The following ST3GAL2 variants were observed in gnomAD, a reference collection of about 807,000 sequenced individuals.
The protein encoded by ST3GAL2 is ST3 beta-galactoside alpha-2,3-sialyltransferase 2.
A neutral mutation model predicts 37.5 loss-of-function variants in ST3GAL2; 16 were observed. That is an observed-to-expected ratio of 0.43 (90% CI 0.29 to 0.65). ST3GAL2 has a LOEUF of 0.65. Ranked by LOEUF, ST3GAL2 falls within the 30% of genes least tolerant of loss-of-function variation. ST3GAL2 has a pLI of 0.17. For synonymous variants in ST3GAL2, 238 were observed against 202.9 expected, an observed-to-expected ratio of 1.17 and a Z score of -1.47; for missense variants, 383 against 487.8, an observed-to-expected ratio of 0.79 and a Z score of 2.02.
Position 70,381,701 on chromosome 16 carries a change from G to C in ST3GAL2, c.1041C>G (p.Tyr347Ter). The C allele has an allele frequency of 6.2e-7, 1 of 1,613,712 alleles. No individual in the cohort carries two copies. Among genetic ancestry groups the C allele is most frequent in the Non-Finnish European group, 8.5e-7 (1 of 1,179,846 alleles). ...GGCGAGGCCCGGCTCAGTTGCCCCGGTAGACTTCGATCTTGCTGGCCTTGG... is the reference window on the plus strand; with the variant it reads ...GGCGAGGCCCGGCTCAGTTGCCCCGCTAGACTTCGATCTTGCTGGCCTTGG... ...MLAKASKIEV[Y>*]RGN is the part of the protein sequence containing the mutation. The change falls in exon 7 of 7, where the codon TAC becomes TAG. Residue 347 changes from tyrosine to a stop codon, truncating the protein, a stop_gained. Transcript: ENST00000342907. LOFTEE classifies it high-confidence loss of function.
intron 1 of ST3GAL2, among the ~76,000 whole-genome samples, chr16:70,434,140 CAA>C (rs1397093442): frequency 6.6e-6 from 1 of 152,132 alleles, no homozygotes. Context: ...GTTCTCAGCT[CAA>C]AAAGACTCAG....
chr16:70,381,637 C>T lies in ST3GAL2; in HGVS notation c.*52G>A. 23 of 1,590,514 alleles carry T rather than the reference C, an allele frequency of 1.4e-5. No homozygotes were observed. The highest frequency in any genetic ancestry group is 2.2e-5 in the East Asian group (1 of 44,462). ...GGGTTGCTGGTCCTGGGTCCCGGGC[C>T]GGAGCCCCGGTGCCCGATAGATGGG... On this transcript the variant is annotated 3_prime_UTR_variant, in exon 7 of 7. Transcript: ENST00000342907.
chr16:70,382,820 C>T lies in ST3GAL2; in HGVS notation c.864G>A (p.Leu288=). Reference sequence around the variant, plus strand: ...GCCTACCCACCTCATCACACACATGCAGGGCAAAGAAAAGCACCAGCATCC... The same window carrying T: ...GCCTACCCACCTCATCACACACATGTAGGGCAAAGAAAAGCACCAGCATCC... The part of the protein sequence containing the change: ...STGMLVLFFA[L]HVCDEVNVYG... Residue 288 remains leucine, a synonymous_variant, in exon 6 of 7, where the codon CTG becomes CTA. Transcript: ENST00000342907. 3 of 1,614,086 alleles carry T rather than the reference C, an allele frequency of 1.9e-6. No individual in the cohort carries two copies. The highest frequency in any genetic ancestry group is 2.7e-5 in the African/African-American group (2 of 75,050).
intron 2 of ST3GAL2, among the ~76,000 whole-genome samples, chr16:70,395,881 G>A (rs897682732): frequency 6.6e-6 from 1 of 152,188 alleles, no homozygotes; most frequent in African/African-American, 2.4e-5. Context: ...GCTGCCACGT[G>A]GGATCATGAG....
intron 1 of ST3GAL2, among the ~76,000 whole-genome samples, chr16:70,425,259 CA>C (rs2047741958): frequency 6.6e-6 from 1 of 152,116 alleles, no homozygotes; most frequent in South Asian, 2.1e-4. Flanking sequence ...GTCAGGAGTT[CA>C]AGATCAGCCT....
At chr16:70,398,079 G>T in intron 2 of ST3GAL2, 113 bp downstream of exon 2, 1 of 1,081,668 alleles carries the variant, frequency 9.2e-7, no homozygotes, top group Non-Finnish European at 1.3e-6. Context: ...CCTATAAATG[G>T]CTTGGTCAAA....
intron 1 of ST3GAL2, among the ~76,000 whole-genome samples, chr16:70,417,596 T>C (rs1161965949): frequency 6.6e-6 from 1 of 152,182 alleles, no homozygotes; most frequent in Non-Finnish European, 1.5e-5. Flanking sequence ...GATTCTAGAA[T>C]ACAAAGCTAT....
chr16:70,426,197 T>G (rs554628626), intron 1 of ST3GAL2, among the ~76,000 whole-genome samples: 1 of 140,164 alleles, frequency 7.1e-6, no homozygotes, highest in South Asian at 2.4e-4. Flanking sequence ...TTTTTTTTTT[T>G]TTTTTTTTGT....
At chr16:70,423,162 T>C (rs2047727092) in intron 1 of ST3GAL2, 1 of 152,158 alleles carries the variant, frequency 6.6e-6, no homozygotes, top group African/African-American at 2.4e-5. Context: ...ACACCAGCTA[T>C]CACACAGATC....
chr16:70,409,805 ATTTTTTT>A (rs980660367), intron 1 of ST3GAL2, among the ~76,000 whole-genome samples: 39 of 129,054 alleles, frequency 3.0e-4, no homozygotes, highest in Middle Eastern at 4.0e-3. Context: ...ACCTGGCTAA[ATTTTTTT>A]TTTTTTTTTT....
chr16:70,406,609 C>A (rs554641454), intron 1 of ST3GAL2, among the ~76,000 whole-genome samples: 34 of 151,968 alleles, frequency 2.2e-4, no homozygotes, highest in Non-Finnish European at 4.3e-4. Flanking sequence ...TGGCAAAACC[C>A]CATCTCTACT....
chr16:70,421,886 CA>C lies in ST3GAL2; in HGVS notation c.-1004+17062del, dbSNP rs2047717272. ...GGCCATTGTGAGGCTAGGGCATCCC[CA>C]CCCCATATGTGGTTAACTCATGCCT... On this transcript the variant is annotated intron_variant, in intron 1 of 6. Coordinates refer to ENST00000342907, the MANE Select transcript of ST3GAL2 (RefSeq NM_006927.4). Among the ~76,000 whole-genome samples, 7 of 152,138 alleles carry C rather than the reference CA, an allele frequency of 4.6e-5. No individual in the cohort carries two copies. In the South Asian group the frequency reaches 1.4e-3, roughly 31 times the overall value.
intron 1 of ST3GAL2, among the ~76,000 whole-genome samples, chr16:70,422,781 TCTC>T: frequency 6.6e-6 from 1 of 152,114 alleles, no homozygotes; most frequent in Admixed American, 6.5e-5. Flanking sequence ...TGAACTGAGG[TCTC>T]CTCTTAAGTC....
At chr16:70,395,615 C>T (rs977473934) in intron 2 of ST3GAL2, among the ~76,000 whole-genome samples, 14 of 152,324 alleles carry the variant, frequency 9.2e-5, no homozygotes, top group Admixed American at 2.0e-4. Flanking sequence ...GGTGACAGTC[C>T]AGCCACTCCC....
At chr16:70,395,360 A>G (rs1169247041) in intron 2 of ST3GAL2, among the ~76,000 whole-genome samples, 185 bp from the exon 3 acceptor site, 1 of 152,192 alleles carries the variant, frequency 6.6e-6, no homozygotes, top group Non-Finnish European at 1.5e-5. Flanking sequence ...TCTCTCAACA[A>G]CAGCAAAGTC....
intron 5 of ST3GAL2, 116 bp downstream of exon 5, chr16:70,383,074 G>T: frequency 1.3e-6 from 2 of 1,579,950 alleles, no homozygotes; most frequent in Non-Finnish European, 1.7e-6. Flanking sequence ...AGGCATCTCG[G>T]CAGATGGGGA....
In ST3GAL2 at chr16:70,381,942, G is replaced by A. The variant is rs2047408980; in HGVS notation, c.880-80C>T. On this transcript the variant is annotated intron_variant, in intron 6 of 6. Coordinates refer to ENST00000342907, the MANE Select transcript of ST3GAL2 (RefSeq NM_006927.4). ...GGGGCGGGCTCGGGATGACAGGGAG[G>A]AGAGGGGACGGGAGGCCCCGGGGAG... 2.5e-6 allele frequency: 4 copies of A among 1,573,738 alleles called. No individual in the cohort carries two copies. The South Asian group carries it at 4.6e-5, about 18-fold the overall frequency.
In ST3GAL2 at chr16:70,399,196, TG is replaced by T; in HGVS notation, c.-667del. 3 of 398,864 alleles carry T rather than the reference TG, an allele frequency of 7.5e-6. No homozygotes were observed. Among genetic ancestry groups the T allele is most frequent in the Admixed American group, 4.4e-5 (1 of 22,748 alleles). The allele number at this position is 398,864 out of a possible 1,614,324, so 24.7% of individuals were successfully genotyped here. On this transcript the variant is annotated 5_prime_UTR_variant, in exon 2 of 7. An upstream open reading frame in the 5' UTR gains an earlier in-frame stop. Coordinates refer to ENST00000342907, the MANE Select transcript of ST3GAL2 (RefSeq NM_006927.4). ...TCGAGATCCTTTCCGCAGTAGGTCT[TG>T]CCCTTCTGCTTCCCATCTGAGGTGC...
At chr16:70,415,388 G>A (rs890179652) in intron 1 of ST3GAL2, among the ~76,000 whole-genome samples, 15 of 152,294 alleles carry the variant, frequency 9.8e-5, no homozygotes, top group African/African-American at 2.9e-4. Flanking sequence ...CGGGCGGCAC[G>A]GGGAAGGTCA....
Sources: allele counts gnomAD v4.1 joint callset (sites outside exome capture counted in the v4.1 genomes callset), GRCh38; gene constraint gnomAD v4.1.1; transcripts MANE v1.5; gene names NCBI Gene and HGNC (gene_info 2026-07-23, HGNC 2026-07-21).